CNOT1: variants seen among roughly 807,000 people sequenced by gnomAD.
CNOT1 encodes CCR4-associated factor 1.
A neutral mutation model predicts 273.8 loss-of-function variants in CNOT1; 15 were observed. The observed-to-expected ratio is 0.05, with a 90% CI of 0.04 to 0.08. The LOEUF is 0.08. Among genes scored for constraint, CNOT1 ranks in the 10% least tolerant of loss-of-function variants. CNOT1 has a pLI of 1.00. For missense variants in CNOT1, 1,644 were observed against 2,912.2 expected (o/e 0.56, Z 10.02); for synonymous variants, 1,022 against 1,005.5 (o/e 1.02, Z -0.31).
At position 58,551,309 on chromosome 16, in the gene CNOT1, T is replaced by C. The variant is rs746747472; in HGVS notation, c.3202-37A>G. On this transcript the variant is annotated intron_variant, in intron 23 of 48. Coordinates refer to ENST00000317147, the MANE Select transcript of CNOT1 (RefSeq NM_016284.5). Reference sequence around the variant, plus strand: ...AAATAAAGTACATAAGGCAAATAAGTTGAAATGCTTCCCTGAAAAAAATCC... The same window carrying C: ...AAATAAAGTACATAAGGCAAATAAGCTGAAATGCTTCCCTGAAAAAAATCC... 11 of 1,537,586 alleles carry C rather than the reference T, an allele frequency of 7.2e-6. No individual in the cohort carries two copies. The Admixed American group carries it at 2.5e-4, about 34-fold the overall frequency.
chr16:58,551,936 C>G (rs2040462765), intron 22 of CNOT1, 117 bp from the exon 23 acceptor site: 3 of 1,336,962 alleles, frequency 2.2e-6, no homozygotes, highest in Non-Finnish European at 3.1e-6. Context: ...TCATCTAGCT[C>G]ACATACTCTT....
chr16:58,596,123 G>A (rs895416333), intron 2 of CNOT1, among the ~76,000 whole-genome samples: 1 of 152,210 alleles, frequency 6.6e-6, no homozygotes, highest in Non-Finnish European at 1.5e-5. Context: ...CTGTGTGCAA[G>A]GCAGTGGGAC....
chr16:58,588,102 C>G (rs1446115587), intron 3 of CNOT1, among the ~76,000 whole-genome samples: 4 of 152,160 alleles, frequency 2.6e-5, no homozygotes, highest in African/African-American at 9.7e-5. Context: ...AGTTCAACAC[C>G]TGCCTGGCCA....
chr16:58,618,191 A>C (rs946610500), intron 1 of CNOT1, among the ~76,000 whole-genome samples: 2 of 151,864 alleles, frequency 1.3e-5, no homozygotes, highest in Admixed American at 1.3e-4. Context: ...CCAGCCAGCT[A>C]CTCAGGAGGG....
At position 58,541,637 on chromosome 16, in the gene CNOT1, C is replaced by T; in HGVS notation, c.4681-17G>A. 1.2e-6 allele frequency: 2 copies of T among 1,607,822 alleles called. No homozygotes were observed. Among genetic ancestry groups the T allele is most frequent in the East Asian group, 2.2e-5 (1 of 44,816 alleles). Reference sequence around the variant, plus strand: ...ACCACCAACCTTGAAAGAAGAAAACCTATTTTGACAGAATTCACTCAATAA... The same window carrying T: ...ACCACCAACCTTGAAAGAAGAAAACTTATTTTGACAGAATTCACTCAATAA... On this transcript the variant is annotated splice_polypyrimidine_tract_variant and intron_variant, in intron 33 of 48. Transcript: ENST00000317147.
Position 58,543,778 on chromosome 16 carries a change from C to G in CNOT1, c.4263G>C (p.Glu1421Asp). ...GGGCAAAATCCTTCCTGACTATTTG[C>G]TCACAAGTAGTCATGGCAATCTTAA... The part of the protein sequence containing the change: ...RSIKIAMTTC[E>D]QIVRKDFALD... Residue 1421 changes from glutamate to aspartate, a missense_variant, in exon 31 of 49, where the codon GAG (glutamate) becomes GAC (aspartate). Coordinates refer to ENST00000317147, the MANE Select transcript of CNOT1 (RefSeq NM_016284.5). 6.2e-7 allele frequency: 1 copy of G among 1,614,144 alleles called. No individual in the cohort carries two copies. Among genetic ancestry groups the G allele is most frequent in the Non-Finnish European group, 8.5e-7 (1 of 1,180,026 alleles).
intron 2 of CNOT1, among the ~76,000 whole-genome samples, chr16:58,593,841 C>CA (rs1171057020): frequency 6.6e-6 from 1 of 152,110 alleles, no homozygotes; most frequent in East Asian, 1.9e-4. Context: ...TACAGATACA[C>CA]AAAATATGAA....
Position 58,576,388 on chromosome 16 carries a change from G to C in CNOT1, c.1704+75C>G, listed in dbSNP as rs1013075858. The C allele has an allele frequency of 1.6e-5, 25 of 1,594,412 alleles. No homozygotes were observed. In the Admixed American group the frequency reaches 4.0e-4, roughly 26 times the overall value. On this transcript the variant is annotated intron_variant, in intron 14 of 48. Transcript: ENST00000317147. ...AGCCTCCCAAAGTGCTGGGATTACA[G>C]GCATGAGCCACCGCGCCCGGCCTTT... is the stretch of plus-strand genomic sequence containing the variant.
Position 58,599,220 on chromosome 16 carries a change from T to C in CNOT1, c.102+16A>G, listed in dbSNP as rs780618373. On this transcript the variant is annotated intron_variant, in intron 2 of 48. Transcript: ENST00000317147. ...CATTCCTTTAATGGCACTTGTTTTC[T>C]GGCTAGTTTACTTACATGCTGTATT... 2.3e-5 allele frequency: 37 copies of C among 1,614,080 alleles called. No individual in the cohort carries two copies. The highest frequency in any genetic ancestry group is 3.0e-5 in the Non-Finnish European group (35 of 1,180,042).
chr16:58,521,155 A>G (rs775442887), intron 48 of CNOT1, 28 bp downstream of exon 48: 1 of 1,613,172 alleles, frequency 6.2e-7, no homozygotes, highest in South Asian at 1.1e-5. Context: ...TCTCATTCCT[A>G]GACAATTAAA....
At chr16:58,578,357 G>A (rs1185113585) in intron 13 of CNOT1, among the ~76,000 whole-genome samples, 2 of 151,492 alleles carry the variant, frequency 1.3e-5, no homozygotes, top group African/African-American at 4.9e-5. Flanking sequence ...AGGAGGCTGA[G>A]GCAGGAGAAT....
At chr16:58,540,105 T>C in intron 34 of CNOT1, 146 bp from the exon 35 acceptor site, 1 of 756,024 alleles carries the variant, frequency 1.3e-6, no homozygotes. Context: ...TTCTTTTCCT[T>C]CTTCCTGAGC....
chr16:58,523,343 C>A, intron 47 of CNOT1, 27 bp downstream of exon 47: 5 of 1,553,444 alleles, frequency 3.2e-6, no homozygotes, highest in South Asian at 2.5e-5. Context: ...CCTTTTGAAG[C>A]ATTTAAAAAA....
intron 18 of CNOT1, 52 bp from the exon 19 acceptor site, chr16:58,557,045 T>A: frequency 6.3e-7 from 1 of 1,591,818 alleles, no homozygotes; most frequent in Non-Finnish European, 8.5e-7. Context: ...TATTCTTGAT[T>A]TTATTCACAT....
intron 35 of CNOT1, 147 bp from the exon 36 acceptor site, chr16:58,539,061 G>T: frequency 8.1e-7 from 1 of 1,239,076 alleles, no homozygotes; most frequent in Non-Finnish European, 1.1e-6. Flanking sequence ...CCTTTCAGTT[G>T]CCTATCACAC....
At position 58,574,687 on chromosome 16, in the gene CNOT1, T is replaced by C. The variant is rs1319838325; in HGVS notation, c.1901A>G (p.Glu634Gly). 1 of 1,610,038 alleles carries C rather than the reference T, an allele frequency of 6.2e-7. No individual in the cohort carries two copies. The highest frequency in any genetic ancestry group is 8.5e-7 in the Non-Finnish European group (1 of 1,179,346). ...TTGAGCACTTTTGGGCTGGTCTTTT[T>C]CTGGGGCAAGTCCGCCCAAAATAGA... ...CPSILGGLAP[E>G]KDQPKSAQLP... is the part of the protein sequence containing the mutation. The change falls in exon 16 of 49, where the codon GAA (glutamate) becomes GGA (glycine). Residue 634 changes from glutamate (E) to glycine (G), a missense_variant. By Grantham distance (98) the Glu-to-Gly change is moderately conservative. Transcript: ENST00000317147.
chr16:58,523,519 C>T lies in CNOT1; in HGVS notation c.6785-17G>A. On this transcript the variant is annotated splice_polypyrimidine_tract_variant and intron_variant, in intron 46 of 48. Transcript: ENST00000317147. ...GATAGCGACCTAGAAATTAAGAAAC[C>T]TTGACTTAGGACTTAGTCTGAAAGG... 1 of 1,613,232 alleles carries T rather than the reference C, an allele frequency of 6.2e-7. No individual in the cohort carries two copies. The highest frequency in any genetic ancestry group is 8.5e-7 in the Non-Finnish European group (1 of 1,179,520).
At chr16:58,529,929 A>G (rs2039725059) in intron 43 of CNOT1, among the ~76,000 whole-genome samples, 1 of 151,758 alleles carries the variant, frequency 6.6e-6, no homozygotes. Context: ...CAACTGCCAA[A>G]ATGGTTAAAA....
At chr16:58,602,785 A>G (rs1182851319) in intron 1 of CNOT1, among the ~76,000 whole-genome samples, 1 of 151,894 alleles carries the variant, frequency 6.6e-6, no homozygotes, top group African/African-American at 2.4e-5. Flanking sequence ...AAAACCATCT[A>G]TACCAATAAC....
Sources: gnomAD v4.1 joint callset for allele counts (sites outside exome capture counted in the v4.1 genomes callset) on GRCh38, gnomAD v4.1.1 for gene constraint, MANE v1.5 for transcripts, NCBI Gene and HGNC (gene_info 2026-07-23, HGNC 2026-07-21) for gene names.